WASHC2C: variants seen among roughly 807,000 people sequenced by gnomAD.
WASHC2C encodes Vaccinia Penetration Factor.
WASHC2C carries 73 observed loss-of-function variants against 142.2 expected under a neutral mutation model. That is an observed-to-expected ratio of 0.51 (90% CI 0.43 to 0.62). The LOEUF is 0.62. Among genes scored for constraint, WASHC2C ranks in the 20% least tolerant of loss-of-function variants. The pLI is 0.00. For missense variants in WASHC2C, 969 were observed against 1,531.7 expected, an observed-to-expected ratio of 0.63 and a Z score of 6.13; for synonymous variants, 337 against 565.5, an observed-to-expected ratio of 0.60 and a Z score of 5.73.
At chr10:45,783,625 T>C (rs1158619043) in intron 23 of WASHC2C, among the ~76,000 whole-genome samples, 2 of 152,084 alleles carry the variant, frequency 1.3e-5, no homozygotes, top group African/African-American at 4.8e-5. Context: ...CACACCCGGC[T>C]GATCTTTGTA....
At chr10:45,742,877 CTTTT>C (rs1227719013) in intron 5 of WASHC2C, among the ~76,000 whole-genome samples, 11 of 96,070 alleles carry the variant, frequency 1.1e-4, no homozygotes, top group African/African-American at 4.2e-4. Flanking sequence ...CATCTTTTTT[CTTTT>C]TTTTTTTTTT....
chr10:45,747,037 C>T (rs1476582955), intron 8 of WASHC2C, among the ~76,000 whole-genome samples: 4 of 152,178 alleles, frequency 2.6e-5, no homozygotes, highest in South Asian at 2.1e-4. Context: ...TGTCTTAGCA[C>T]GGTTATCTTA....
At chr10:45,746,382 A>G (rs1259774877) in intron 7 of WASHC2C, among the ~76,000 whole-genome samples, 1 of 152,150 alleles carries the variant, frequency 6.6e-6, no homozygotes, top group Non-Finnish European at 1.5e-5. Context: ...CAAAAATTAC[A>G]TGTTAACTGG....
At chr10:45,764,001 T>C (rs1386754548) in intron 18 of WASHC2C, among the ~76,000 whole-genome samples, 1 of 152,106 alleles carries the variant, frequency 6.6e-6, no homozygotes, top group Non-Finnish European at 1.5e-5. Context: ...CGTGCCTGGC[T>C]TCTTGACACA....
chr10:45,743,570 A>G (rs1350302947), intron 6 of WASHC2C, 87 bp downstream of exon 6: 11 of 1,492,568 alleles, frequency 7.4e-6, no homozygotes, highest in Non-Finnish European at 9.9e-6. Context: ...AGTTTCAAGA[A>G]TAGTTCAAAG....
In WASHC2C at chr10:45,754,483, T is replaced by A. The variant is rs2053998834; in HGVS notation, c.1181-3T>A. On this transcript the variant is annotated splice_region_variant and splice_polypyrimidine_tract_variant and intron_variant, in intron 13 of 30. Transcript: ENST00000623400. ...ATGGTTACCCCTTGCTTTCTCATTC[T>A]AGAGTCTTCATCATCCAAACCTGGA... 1 of 1,586,116 alleles carries A rather than the reference T, an allele frequency of 6.3e-7. No individual in the cohort carries two copies. The highest frequency in any genetic ancestry group is 1.8e-5 in the Admixed American group (1 of 56,446).
Position 45,743,540 on chromosome 10 carries a change from A to G in WASHC2C, c.622+57A>G, listed in dbSNP as rs12243699. ...TAACATTTCTTTTTTATTTTAAAAT[A>G]ATTTCAAATTTTACATTAAAGTTTC... is the stretch of plus-strand genomic sequence containing the variant. On this transcript the variant is annotated intron_variant, in intron 6 of 30. Transcript: ENST00000623400. 5,656 of 1,582,050 alleles carry G rather than the reference A, an allele frequency of 3.6e-3. 215 individuals carry two copies. The African/African-American group carries it at 0.07, about 20-fold the overall frequency.
At chr10:45,742,470 A>G (rs1189281670) in intron 5 of WASHC2C, among the ~76,000 whole-genome samples, 1 of 151,744 alleles carries the variant, frequency 6.6e-6, no homozygotes, top group African/African-American at 2.4e-5. Context: ...GTGCGCCACC[A>G]CACCCAGCTA....
chr10:45,742,272 G>A (rs1300734466), intron 5 of WASHC2C, among the ~76,000 whole-genome samples: 2 of 152,156 alleles, frequency 1.3e-5, no homozygotes, highest in African/African-American at 4.8e-5. Context: ...AACCACTAGG[G>A]GGTATTGTTC....
intron 7 of WASHC2C, among the ~76,000 whole-genome samples, chr10:45,745,404 C>T (rs1191834738): frequency 6.6e-6 from 1 of 152,116 alleles, no homozygotes; most frequent in East Asian, 1.9e-4. Flanking sequence ...GCCTTGACTA[C>T]AGTTGAATCT....
chr10:45,792,329 C>T lies in WASHC2C; in HGVS notation c.3955C>T (p.Pro1319Ser). ...KPKSRSAQAA[P>S]EPRFEHKVSN... ...AAAAAGCCGATCTGCACAGGCCGCA[C>T]CTGAACCAAGATTTGAACACAAGGT... Residue 1319 changes from proline (P) to serine (S), a missense_variant, in exon 31 of 31, where the codon CCT (proline) becomes TCT (serine). Transcript: ENST00000623400. 2.6e-6 allele frequency: 4 copies of T among 1,565,442 alleles called. No homozygotes were observed. The highest frequency in any genetic ancestry group is 1.8e-5 in the Admixed American group (1 of 55,320).
chr10:45,763,893 G>C (rs373087202), intron 18 of WASHC2C, among the ~76,000 whole-genome samples: 1 of 152,162 alleles, frequency 6.6e-6, no homozygotes, highest in South Asian at 2.1e-4. Flanking sequence ...GTAGAGACAG[G>C]GTTTCACCAT....
intron 30 of WASHC2C, 90 bp from the exon 31 acceptor site, chr10:45,792,171 G>T: frequency 7.2e-7 from 1 of 1,391,712 alleles, no homozygotes; most frequent in Non-Finnish European, 1.0e-6. Context: ...TGTTACGAGA[G>T]CTGGGTCTTT....
At chr10:45,731,644 A>ATTT (rs1554862390) in intron 3 of WASHC2C, among the ~76,000 whole-genome samples, 3 of 151,640 alleles carry the variant, frequency 2.0e-5, no homozygotes, top group African/African-American at 4.9e-5. Context: ...CCGCTGCCAA[A>ATTT]TCTTAATTAC....
chr10:45,784,023 CTG>C (rs782767632), intron 23 of WASHC2C, among the ~76,000 whole-genome samples: 6 of 151,814 alleles, frequency 4.0e-5, no homozygotes, highest in Non-Finnish European at 5.9e-5. Context: ...CTTGACCACT[CTG>C]TGTAGTTTGT....
chr10:45,766,233 T>G (rs1176336263), intron 19 of WASHC2C, among the ~76,000 whole-genome samples: 18 of 152,290 alleles, frequency 1.2e-4, no homozygotes, highest in African/African-American at 4.3e-4. Flanking sequence ...CTGTGTCAAT[T>G]TTATGCAGTC....
chr10:45,785,618 C>G lies in WASHC2C; in HGVS notation c.2798C>G (p.Pro933Arg). 1 of 1,613,688 alleles carries G rather than the reference C, an allele frequency of 6.2e-7. No homozygotes were observed. The highest frequency in any genetic ancestry group is 8.5e-7 in the Non-Finnish European group (1 of 1,179,830). ...QGSKEKGIWK[P>R]ETPQDSSGLA... Reference sequence around the variant, plus strand: ...AGTAAAGAAAAAGGCATATGGAAGCCGGAAACACCTCAGGTTAGAAATCCT... The same window carrying G: ...AGTAAAGAAAAAGGCATATGGAAGCGGGAAACACCTCAGGTTAGAAATCCT... The change falls in exon 26 of 31, where the codon CCG becomes CGG. Residue 933 changes from proline (P) to arginine (R), a missense_variant. Coordinates refer to ENST00000623400, the MANE Select transcript of WASHC2C (RefSeq NM_001330074.2).
intron 23 of WASHC2C, among the ~76,000 whole-genome samples, chr10:45,784,311 T>TATATATATACAC (rs200659699): frequency 1.7e-5 from 1 of 58,150 alleles, no homozygotes; most frequent in Non-Finnish European, 3.4e-5. Flanking sequence ...TATATATATA[T>TATATATATACAC]ACACACACAT....
chr10:45,745,437 A>G (rs1218868722), intron 7 of WASHC2C, among the ~76,000 whole-genome samples: 1 of 151,822 alleles, frequency 6.6e-6, no homozygotes, highest in Non-Finnish European at 1.5e-5. Flanking sequence ...TAGATGGGAT[A>G]TTCGTTATTG....
Sources: gnomAD v4.1 joint callset for allele counts (sites outside exome capture counted in the v4.1 genomes callset) on GRCh38, gnomAD v4.1.1 for gene constraint, MANE v1.5 for transcripts, NCBI Gene and HGNC (gene_info 2026-07-23, HGNC 2026-07-21) for gene names.